ZNF695: variants seen among roughly 807,000 people sequenced by gnomAD.
ZNF695 encodes the protein zinc finger protein SBZF3.
Under a neutral mutation model 11.2 loss-of-function variants are expected in ZNF695, and 11 were observed. That is an observed-to-expected ratio of 0.98 (90% CI 0.62 to 1.62). ZNF695 has a LOEUF of 1.62. Ranked by LOEUF, ZNF695 falls within the 40% of genes most tolerant of loss-of-function variation. The probability of loss-of-function intolerance (pLI) is 0.00; values close to 1 mark genes in which losing one functional copy is unlikely to be tolerated. For missense variants in ZNF695, 559 were observed against 590.5 expected (o/e 0.95, Z 0.55); for synonymous variants, 190 against 201.4 (o/e 0.94, Z 0.48).
rs771592829 is a variant in ZNF695 at position 246,987,892 on chromosome 1, CCA to C, written c.621_622del (p.Ile207MetfsTer8). ...TTTTTTACATTGGTACGGGTTCTCT[CCA>C]ATATGGATTCTCTGCTGTTGAGTCA... On this transcript the variant is annotated frameshift_variant, in exon 4 of 4. Transcript: ENST00000339986. LOFTEE classifies it low-confidence loss of function (END_TRUNC). 6.2e-7 allele frequency: 1 copy of C among 1,609,428 alleles called. No individual in the cohort carries two copies. Among genetic ancestry groups the C allele is most frequent in the African/African-American group, 1.3e-5 (1 of 74,794 alleles).
At chr1:246,994,080 C>T (rs1669121916) in intron 3 of ZNF695, among the ~76,000 whole-genome samples, 1 of 151,946 alleles carries the variant, frequency 6.6e-6, no homozygotes. Context: ...GAGCCTGAGG[C>T]ACAAGAATCA....
intron 1 of ZNF695, among the ~76,000 whole-genome samples, chr1:247,000,793 CG>C (rs1669356665): frequency 6.6e-6 from 1 of 152,146 alleles, no homozygotes; most frequent in South Asian, 2.1e-4. Flanking sequence ...AATGCAGGCA[CG>C]GGCCGGGTGC....
At chr1:246,955,095 G>T (rs566928761) in intron 5 of ZNF695, among the ~76,000 whole-genome samples, 3 of 152,140 alleles carry the variant, frequency 2.0e-5, no homozygotes, top group Non-Finnish European at 2.9e-5. Flanking sequence ...AAGTCTGCAC[G>T]TGCTTTCTTG....
At chr1:246,947,099 C>T (rs113633455) in intron 5 of ZNF695, among the ~76,000 whole-genome samples, 1,487 of 141,678 alleles carry the variant, frequency 0.01, 36 homozygotes, top group African/African-American at 0.037. Context: ...GAGATCGGGC[C>T]ACTGCACTCC....
Position 246,987,089 on chromosome 1 carries a change from T to C in ZNF695, c.1426A>G (p.Ser476Gly), listed in dbSNP as rs757475690. ...CEECGKAFGQ[S>G]SHLSKHKTIH... ...GTCTTATGTTTAGAAAGGTGTGAGC[T>C]CTGGCCAAAGGCTTTGCCACATTCT... The change falls in exon 4 of 4, where the codon AGC becomes GGC. Residue 476 changes from serine to glycine, a missense_variant. Coordinates refer to ENST00000339986, the MANE Select transcript of ZNF695 (RefSeq NM_020394.5). 4 of 1,613,790 alleles carry C rather than the reference T, an allele frequency of 2.5e-6. No individual in the cohort carries two copies. In the South Asian group the frequency reaches 3.3e-5, roughly 13 times the overall value.
At chr1:246,951,720 T>G (rs1487989220) in intron 5 of ZNF695, among the ~76,000 whole-genome samples, 1 of 152,180 alleles carries the variant, frequency 6.6e-6, no homozygotes, top group South Asian at 2.1e-4. Flanking sequence ...AGCTTCTGTG[T>G]GGAAGATCCT....
At chr1:246,959,310 AATAT>A (rs1158852538) in intron 5 of ZNF695, among the ~76,000 whole-genome samples, 748 of 50,848 alleles carry the variant, frequency 0.015, 6 homozygotes, top group South Asian at 0.02. Context: ...AAAAAAAAAA[AATAT>A]ATATATATAT....
intron 4 of ZNF695, among the ~76,000 whole-genome samples, chr1:246,977,374 A>G (rs1203546021): frequency 6.6e-6 from 1 of 152,194 alleles, no homozygotes; most frequent in Non-Finnish European, 1.5e-5. Flanking sequence ...CTCCTGCTTC[A>G]GCCTCCTGAG....
intron 3 of ZNF695, among the ~76,000 whole-genome samples, chr1:246,992,234 T>C (rs1247800916): frequency 1.3e-5 from 2 of 152,170 alleles, no homozygotes; most frequent in Non-Finnish European, 2.9e-5. Flanking sequence ...GATGAGATCC[T>C]GTCATTTGCA....
intron 5 of ZNF695, among the ~76,000 whole-genome samples, chr1:246,951,647 G>A (rs529255809): frequency 6.6e-6 from 1 of 152,342 alleles, no homozygotes; most frequent in East Asian, 1.9e-4. Flanking sequence ...AAAGAGGCAA[G>A]TCTCAGGTCA....
chr1:246,984,866 A>G (rs936391267), downstream of ZNF695, among the ~76,000 whole-genome samples: 1 of 152,248 alleles, frequency 6.6e-6, no homozygotes, highest in African/African-American at 2.4e-5. Flanking sequence ...AGAAGATCAC[A>G]TAAGAAATTC....
chr1:246,976,634 A>G (rs1012648609), intron 4 of ZNF695, among the ~76,000 whole-genome samples: 5 of 151,692 alleles, frequency 3.3e-5, no homozygotes, highest in African/African-American at 4.9e-5. Context: ...CTCTACTAAA[A>G]ATACAAAAAA....
At chr1:246,978,288 G>A (rs1572519306) in intron 4 of ZNF695, among the ~76,000 whole-genome samples, 1 of 152,184 alleles carries the variant, frequency 6.6e-6, no homozygotes, top group Non-Finnish European at 1.5e-5. Flanking sequence ...ATTCTTTAGA[G>A]GTATAATTAA....
At chr1:246,948,356 G>A (rs924143155) in intron 5 of ZNF695, among the ~76,000 whole-genome samples, 6 of 151,852 alleles carry the variant, frequency 4.0e-5, no homozygotes, top group Admixed American at 1.3e-4. Flanking sequence ...TTACAGGTGT[G>A]AGCCACCACG....
chr1:246,955,088 T>A (rs61852577), intron 5 of ZNF695, among the ~76,000 whole-genome samples: 15,007 of 152,184 alleles, frequency 0.099, 822 homozygotes, highest in Middle Eastern at 0.16. Context: ...AGTGAATAAG[T>A]CTGCACGTGC....
exon 6 of ZNF695, chr1:246,945,788 G>T: frequency 6.5e-7 from 1 of 1,550,280 alleles, no homozygotes; most frequent in Non-Finnish European, 8.7e-7. Context: ...CGGAACCTCC[G>T]CAGGGTCTTC....
chr1:247,006,460 A>C (rs975152896), intron 1 of ZNF695, among the ~76,000 whole-genome samples: 13 of 151,896 alleles, frequency 8.6e-5, no homozygotes, highest in African/African-American at 3.1e-4. Context: ...AAAATACAAA[A>C]ATTAGCCGGG....
intron 1 of ZNF695, among the ~76,000 whole-genome samples, chr1:247,003,295 A>T (rs1211363875): frequency 4.6e-5 from 7 of 152,194 alleles, no homozygotes; most frequent in Non-Finnish European, 7.3e-5. Context: ...CAAACACAAA[A>T]TCATGTTCTT....
chr1:246,996,332 C>T (rs1358202236), intron 3 of ZNF695, among the ~76,000 whole-genome samples: 10 of 152,226 alleles, frequency 6.6e-5, no homozygotes, highest in African/African-American at 9.6e-5. Flanking sequence ...CCAGCCTTGG[C>T]GACAGAGTGA....
Sources: gnomAD v4.1 joint callset for allele counts (sites outside exome capture counted in the v4.1 genomes callset) on GRCh38, gnomAD v4.1.1 for gene constraint, MANE v1.5 for transcripts, NCBI Gene and HGNC (gene_info 2026-07-23, HGNC 2026-07-21) for gene names.